SMARCD1: variants seen among roughly 807,000 people sequenced by gnomAD.
SMARCD1 encodes the protein SWI/SNF related BAF chromatin remodeling complex subunit D1.
In SMARCD1, 16 loss-of-function variants were observed where a neutral mutation model predicts 70.8. The observed-to-expected ratio is 0.23, with a 90% confidence interval of 0.15 to 0.34. SMARCD1 has a LOEUF of 0.34. Among genes scored for constraint, SMARCD1 ranks in the 10% least tolerant of loss-of-function variants. The pLI is 1.00. For missense variants in SMARCD1, 409 were observed against 655.5 expected (o/e 0.62, Z 4.11); for synonymous variants, 249 against 246.0 (o/e 1.01, Z -0.11).
intron 9 of SMARCD1, among the ~76,000 whole-genome samples, chr12:50,093,422 C>A (rs1439603327): frequency 6.6e-6 from 1 of 151,920 alleles, no homozygotes; most frequent in Non-Finnish European, 1.5e-5. Flanking sequence ...TGTTGGCTTC[C>A]CAGAATGCTG....
chr12:50,097,552 A>T (rs1299128708), intron 11 of SMARCD1, among the ~76,000 whole-genome samples: 1 of 151,374 alleles, frequency 6.6e-6, no homozygotes, highest in East Asian at 2.0e-4. Context: ...ACTCTGTCTC[A>T]AAAAAAAGAA....
At chr12:50,091,678 GC>G (rs1281378400) in intron 9 of SMARCD1, among the ~76,000 whole-genome samples, 3 of 152,130 alleles carry the variant, frequency 2.0e-5, no homozygotes, top group Non-Finnish European at 4.4e-5. Context: ...CTGAGTTCAA[GC>G]AATTCTCCCT....
intron 9 of SMARCD1, among the ~76,000 whole-genome samples, chr12:50,091,397 T>A (rs1242378750): frequency 4.6e-5 from 7 of 151,788 alleles, no homozygotes; most frequent in Admixed American, 4.6e-4. Context: ...TGCCGTAGCC[T>A]CCCACATAGC....
Position 50,088,333 on chromosome 12 carries a change from G to C in SMARCD1, c.655-188G>C, listed in dbSNP as rs1206433121. 5.8e-6 allele frequency: 4 copies of C among 694,414 alleles called. No individual in the cohort carries two copies. The East Asian group carries it at 8.1e-5, about 14-fold the overall frequency. The allele number at this position is 694,414 out of a possible 1,614,324, so 43.0% of individuals were successfully genotyped here. ...TATGTGTTCTAGGCTGCTTCTTCAG[G>C]GTTCTGTTGCTACTATGATTGGTTT... On this transcript the variant is annotated intron_variant, in intron 5 of 12. Coordinates refer to ENST00000394963, the MANE Select transcript of SMARCD1 (RefSeq NM_003076.5).
At chr12:50,090,787 A>G (rs1260937079) in intron 9 of SMARCD1, among the ~76,000 whole-genome samples, 197 bp downstream of exon 9, 8 of 150,800 alleles carry the variant, frequency 5.3e-5, no homozygotes, top group African/African-American at 1.7e-4. Context: ...CAAAATGTAT[A>G]ACTTCCTAAT....
chr12:50,096,785 C>T, intron 10 of SMARCD1, 65 bp from the exon 11 acceptor site: 1 of 1,522,798 alleles, frequency 6.6e-7, no homozygotes, highest in South Asian at 1.2e-5. Context: ...TGTCAGGCAC[C>T]ACCTGCCATT....
intron 5 of SMARCD1, chr12:50,088,098 C>G (rs1028711357): frequency 1.7e-5 from 9 of 516,858 alleles, no homozygotes; most frequent in Non-Finnish European, 3.1e-5. Flanking sequence ...AGTGTCAGAG[C>G]CTCCTTCTCT....
intron 9 of SMARCD1, among the ~76,000 whole-genome samples, chr12:50,094,031 A>G (rs1200028312): frequency 2.0e-5 from 3 of 152,052 alleles, no homozygotes; most frequent in Non-Finnish European, 4.4e-5. Context: ...GATTACAGGC[A>G]TAAGCCACCA....
rs772055685 is a variant in SMARCD1, at chr12:50,099,269, TAGAG to T, written c.*275_*278del. 5.0e-5 allele frequency: 29 copies of T among 585,778 alleles called. No individual in the cohort carries two copies. Among genetic ancestry groups the T allele is most frequent in the African/African-American group, 4.3e-4 (23 of 53,752 alleles). The allele number at this position is 585,778 out of a possible 1,614,324, so 36.3% of individuals were successfully genotyped here. On this transcript the variant is annotated 3_prime_UTR_variant, in exon 13 of 13. Transcript: ENST00000394963. Reference sequence around the variant, plus strand: ...TCTACATAGGACCTCTAGATAGTGTTAGAGAGAGAACATGTAGTGGTAATGAGTG... The same window carrying T: ...TCTACATAGGACCTCTAGATAGTGTTAGAGAACATGTAGTGGTAATGAGTG...
In SMARCD1 at chr12:50,098,997, A is replaced by C; in HGVS notation, c.1545A>C (p.Thr515=). The change falls in exon 13 of 13, where the codon ACA becomes ACC. Residue 515 remains threonine, a synonymous_variant. Transcript: ENST00000394963. The stretch of plus-strand genomic sequence containing the variant: ...AGCAAGCCCTGGGAATCCGGAATAC[A>C]TAGGGCCTCTCCCACAGCCCTGATT... ...ELEQALGIRN[T] is the part of the protein sequence containing the mutation. 6.2e-7 allele frequency: 1 copy of C among 1,613,904 alleles called. No homozygotes were observed. The highest frequency in any genetic ancestry group is 8.5e-7 in the Non-Finnish European group (1 of 1,179,818).
intron 6 of SMARCD1, among the ~76,000 whole-genome samples, chr12:50,089,604 C>G (rs2137881510): frequency 6.6e-6 from 1 of 152,310 alleles, no homozygotes; most frequent in South Asian, 2.1e-4. Context: ...TAAATGATAG[C>G]TATGTTACTG....
At chr12:50,089,095 C>T (rs186893501) in intron 6 of SMARCD1, 2 of 152,488 alleles carry the variant, frequency 1.3e-5, no homozygotes, top group African/African-American at 4.8e-5. Context: ...ATTTACATTC[C>T]AATTCACCAA....
At position 50,099,772 on chromosome 12, in the gene SMARCD1, TC is replaced by T. The variant is rs1950923405; in HGVS notation, c.*773del. ...TTTCCCTTTCAGAGCCCCAGGGATC[TC>T]ATCTGGGGAACTGTCATTGCCAGCA... On this transcript the variant is annotated 3_prime_UTR_variant, in exon 13 of 13. Coordinates refer to ENST00000394963, the MANE Select transcript of SMARCD1 (RefSeq NM_003076.5). The T allele has an allele frequency of 6.4e-6, 1 of 156,726 alleles. No individual in the cohort carries two copies. The highest frequency in any genetic ancestry group is 2.1e-4 in the South Asian group (1 of 4,872). The allele number at this position is 156,726 out of a possible 1,614,324, so 9.7% of individuals were successfully genotyped here. A position where few individuals can be genotyped will look rare whatever the true frequency, so the allele number is the denominator to read the frequency against.
rs765821261 is a variant in SMARCD1, at chr12:50,098,680, CTCTT to C, written c.1393-33_1393-30del. On this transcript the variant is annotated intron_variant, in intron 11 of 12. Transcript: ENST00000394963. ...GAAGGAAACAAGCCTTTTCTCCTCT[CTCTT>C]CCTCCACCCTGCATCTCCATTTCCC... 3 of 1,531,454 alleles carry C rather than the reference CTCTT, an allele frequency of 2.0e-6. No individual in the cohort carries two copies. The East Asian group carries it at 6.7e-5, about 34-fold the overall frequency. 94.9% of individuals were successfully genotyped at this position (1,531,454 alleles called of 1,614,324 possible). A position where few individuals can be genotyped will look rare whatever the true frequency, so the allele number is the denominator to read the frequency against.
At chr12:50,093,398 G>A (rs1179965102) in intron 9 of SMARCD1, among the ~76,000 whole-genome samples, 2 of 152,032 alleles carry the variant, frequency 1.3e-5, no homozygotes, top group Non-Finnish European at 2.9e-5. Flanking sequence ...TCCTGGCCTT[G>A]AGTGATCTGC....
At chr12:50,092,368 C>T (rs549993692) in intron 9 of SMARCD1, among the ~76,000 whole-genome samples, 5 of 149,672 alleles carry the variant, frequency 3.3e-5, no homozygotes, top group East Asian at 4.0e-4. Flanking sequence ...GGATTACAGG[C>T]GCATGCCACC....
intron 5 of SMARCD1, 176 bp from the exon 6 acceptor site, chr12:50,088,345 A>G: frequency 5.8e-6 from 4 of 694,924 alleles, no homozygotes; most frequent in Non-Finnish European, 1.1e-5. Context: ...TTCTGTTGCT[A>G]CTATGATTGG....
Position 50,086,850 on chromosome 12 carries a change from T to G in SMARCD1, c.503T>G (p.Ile168Ser). Reference protein sequence around the residue: ...DQTIMRKRLDIQEALKRPIKQ... With the variant: ...DQTIMRKRLDSQEALKRPIKQ... ...ACTATCATGAGGAAACGGCTAGATA[T>G]CCAAGAGGCCTTGAAACGTCCCATC... is the stretch of plus-strand genomic sequence containing the variant. Residue 168 changes from isoleucine to serine, a missense_variant, in exon 4 of 13, where the codon ATC becomes AGC. Physicochemically the swap from Ile to Ser is moderately radical, Grantham distance 142. Coordinates refer to ENST00000394963, the MANE Select transcript of SMARCD1 (RefSeq NM_003076.5). 1.2e-6 allele frequency: 2 copies of G among 1,614,120 alleles called. No homozygotes were observed. The highest frequency in any genetic ancestry group is 1.7e-6 in the Non-Finnish European group (2 of 1,180,008).
At chr12:50,093,485 A>C (rs1221830060) in intron 9 of SMARCD1, among the ~76,000 whole-genome samples, 1 of 149,394 alleles carries the variant, frequency 6.7e-6, no homozygotes, top group Non-Finnish European at 1.5e-5. Context: ...AAAAATTATT[A>C]TTATTATTTC....
Sources: allele counts gnomAD v4.1 joint callset (sites outside exome capture counted in the v4.1 genomes callset), GRCh38; gene constraint gnomAD v4.1.1; transcripts MANE v1.5; gene names NCBI Gene and HGNC (gene_info 2026-07-23, HGNC 2026-07-21).